ZFR2: variants seen among roughly 807,000 people sequenced by gnomAD.
The protein encoded by ZFR2 is zinc finger RNA binding protein 2.
A neutral mutation model predicts 105.7 loss-of-function variants in ZFR2; 104 were observed. The ratio of observed to expected loss-of-function variants is 0.98; its 90% confidence interval spans 0.84 to 1.16. ZFR2 has a LOEUF of 1.16. Ranked by LOEUF, ZFR2 falls within the 50% of genes most tolerant of loss-of-function variation. The pLI, the probability that ZFR2 is intolerant of heterozygous loss-of-function variation, is 0.00. For synonymous variants in ZFR2, 634 were observed against 597.7 expected (o/e 1.06, Z -0.89); for missense variants, 1,425 against 1,355.5 (o/e 1.05, Z -0.80).
At chr19:3,855,539 G>T in intron 1 of ZFR2, 1 of 995,774 alleles carries the variant, frequency 1.0e-6, no homozygotes, top group African/African-American at 1.7e-5. Context: ...CCAGACCAAA[G>T]TCCCGTCCTC....
At chr19:3,817,934 G>A (rs572133866) in intron 12 of ZFR2, among the ~76,000 whole-genome samples, 50 of 152,290 alleles carry the variant, frequency 3.3e-4, no homozygotes, top group African/African-American at 1.0e-3. Flanking sequence ...CACGGTGTGC[G>A]ACCCCATTTC....
At chr19:3,820,053 G>A (rs2037872015) in intron 11 of ZFR2, 129 bp downstream of exon 11, 3 of 893,538 alleles carry the variant, frequency 3.4e-6, no homozygotes, top group African/African-American at 1.7e-5. Context: ...AGGAGGCCTG[G>A]GCCATGGAGC....
rs757881811 is a variant in ZFR2 at position 3,808,896 on chromosome 19, C to T, written c.2521G>A (p.Val841Met). The T allele has an allele frequency of 6.4e-6, 10 of 1,558,508 alleles. No homozygotes were observed. The highest frequency in any genetic ancestry group is 1.9e-5 in the Admixed American group (1 of 52,708). The change falls in exon 17 of 19, where the codon GTG becomes ATG. Residue 841 changes from valine to methionine, a missense_variant. Physicochemically the swap from Val to Met is conservative, Grantham distance 21. Coordinates refer to ENST00000262961, the MANE Select transcript of ZFR2 (RefSeq NM_015174.2). ...GDAVRRVLEC[V>M]ATGTLLTDGP... ...CCTGTCAGGAGCGTCCCTGTGGCCA[C>T]GCACTCCAGGACTCGCCTGACTGCA...
chr19:3,860,231 G>A lies in ZFR2; in HGVS notation c.53+8734C>T, dbSNP rs181021175. ...TTTTTTTTTTTCAGAGATGGGGGGGGTCTCACTATGTTGCTCAGGCTGGTC... is the reference window on the plus strand; with the variant it reads ...TTTTTTTTTTTCAGAGATGGGGGGGATCTCACTATGTTGCTCAGGCTGGTC... On this transcript the variant is annotated intron_variant, in intron 1 of 18. Transcript: ENST00000262961. Among the ~76,000 whole-genome samples, 390 of 149,638 alleles carry A rather than the reference G, an allele frequency of 2.6e-3. 5 individuals carry two copies. Among genetic ancestry groups the A allele is most frequent in the African/African-American group, 9.2e-3 (371 of 40,468 alleles).
intron 13 of ZFR2, among the ~76,000 whole-genome samples, chr19:3,814,404 C>T (rs1318121217): frequency 1.3e-5 from 2 of 152,180 alleles, no homozygotes; most frequent in African/African-American, 2.4e-5. Flanking sequence ...CAGGACATAG[C>T]TCAAGAGGTC....
chr19:3,840,021 G>C (rs1385410828), intron 1 of ZFR2, among the ~76,000 whole-genome samples: 1 of 152,018 alleles, frequency 6.6e-6, no homozygotes, highest in Non-Finnish European at 1.5e-5. Flanking sequence ...TGTTCTTATT[G>C]TGTATGTCAC....
chr19:3,824,502 T>C (rs2037927992), intron 7 of ZFR2, among the ~76,000 whole-genome samples: 1 of 152,076 alleles, frequency 6.6e-6, no homozygotes, highest in Non-Finnish European at 1.5e-5. Context: ...GGTACCCATA[T>C]AACTCTGATT....
chr19:3,830,844 A>G (rs1456598163), intron 5 of ZFR2, among the ~76,000 whole-genome samples: 1 of 152,182 alleles, frequency 6.6e-6, no homozygotes, highest in Non-Finnish European at 1.5e-5. Context: ...TGTTTGGTAA[A>G]GATTCTTTCA....
At chr19:3,863,631 A>G (rs2038397861) in intron 1 of ZFR2, among the ~76,000 whole-genome samples, 1 of 151,992 alleles carries the variant, frequency 6.6e-6, no homozygotes, top group African/African-American at 2.4e-5. Context: ...GCCCTAAACC[A>G]CTATCTGACC....
Position 3,823,841 on chromosome 19 carries a change from A to G in ZFR2, c.1214-438T>C, listed in dbSNP as rs1313960961. ...AAATCATGTTGCTATTCAAGAATCAACGCTGCTGAGGCTAAAAATAGAATG... is the reference window on the plus strand; with the variant it reads ...AAATCATGTTGCTATTCAAGAATCAGCGCTGCTGAGGCTAAAAATAGAATG... On this transcript the variant is annotated intron_variant, in intron 7 of 18. Transcript: ENST00000262961. This position sits in a 1 kb window ranked among gnomAD's most constrained non-coding sequence, Gnocchi z 5.4. Among the ~76,000 whole-genome samples, 1 of 152,176 alleles carries G rather than the reference A, an allele frequency of 6.6e-6. No homozygotes were observed. The highest frequency in any genetic ancestry group is 6.5e-5 in the Admixed American group (1 of 15,274).
chr19:3,813,700 G>A lies in ZFR2; in HGVS notation c.2242+120C>T, dbSNP rs530474254. The A allele has an allele frequency of 1.6e-4, 222 of 1,379,908 alleles. No homozygotes were observed. Among genetic ancestry groups the A allele is most frequent in the Middle Eastern group, 2.6e-4 (1 of 3,848 alleles). 85.5% of individuals were successfully genotyped at this position (1,379,908 alleles called of 1,614,324 possible). A position where few individuals can be genotyped will look rare whatever the true frequency, so the allele number is the denominator to read the frequency against. On this transcript the variant is annotated intron_variant, in intron 14 of 18. Coordinates refer to ENST00000262961, the MANE Select transcript of ZFR2 (RefSeq NM_015174.2). This position sits in a 1 kb window ranked among gnomAD's most constrained non-coding sequence, Gnocchi z 4.4. ...CTCAGGGGGACAGCAGTGCTGGAGC[G>A]TGGCTGCTGTGGCATTTCCTGCTCA...
At chr19:3,864,061 G>A (rs1315104126) in intron 1 of ZFR2, among the ~76,000 whole-genome samples, 2 of 152,092 alleles carry the variant, frequency 1.3e-5, no homozygotes, top group African/African-American at 4.8e-5. Flanking sequence ...AACTCTCCAG[G>A]GGAAGGAGCT....
intron 1 of ZFR2, among the ~76,000 whole-genome samples, chr19:3,860,480 AT>A (rs769583786): frequency 6.6e-6 from 1 of 152,134 alleles, no homozygotes; most frequent in Non-Finnish European, 1.5e-5. Flanking sequence ...TGGGAATTGG[AT>A]TCCAGAGCCT....
intron 14 of ZFR2, among the ~76,000 whole-genome samples, chr19:3,811,801 C>T (rs2037768041): frequency 6.6e-6 from 1 of 151,916 alleles, no homozygotes; most frequent in East Asian, 2.0e-4. Context: ...CGCTCTGTGG[C>T]CCAGGCTGGA....
intron 1 of ZFR2, among the ~76,000 whole-genome samples, chr19:3,836,311 G>T (rs897823960): frequency 4.6e-5 from 7 of 151,942 alleles, no homozygotes. Context: ...AAGGCCAACC[G>T]TATTTTCTCT....
intron 1 of ZFR2, among the ~76,000 whole-genome samples, chr19:3,836,818 G>A (rs2038079878): frequency 6.6e-6 from 1 of 152,172 alleles, no homozygotes. Flanking sequence ...AATGCCCCTT[G>A]TTCAGCTAAA....
chr19:3,826,179 T>G (rs1050494354), intron 6 of ZFR2, among the ~76,000 whole-genome samples: 5 of 151,908 alleles, frequency 3.3e-5, no homozygotes, highest in African/African-American at 1.2e-4. Context: ...GCTCCTTCCC[T>G]CCTCCATGCC....
At chr19:3,836,795 T>C (rs1175408182) in intron 1 of ZFR2, among the ~76,000 whole-genome samples, 1 of 152,142 alleles carries the variant, frequency 6.6e-6, no homozygotes, top group East Asian at 1.9e-4. Flanking sequence ...CAGACCCAGA[T>C]CTTTCTGACC....
At position 3,831,750 on chromosome 19, in the gene ZFR2, T is replaced by C; in HGVS notation, c.508A>G (p.Thr170Ala). Residue 170 changes from threonine to alanine, a missense_variant, in exon 4 of 19, where the codon ACG becomes GCG. Thr to Ala is a moderately conservative substitution (Grantham distance 58). Transcript: ENST00000262961. ...STLSSGYTYP[T>A]ATGVQPESSA... ...GACTCGGGCTGGACGCCTGTCGCCG[T>C]GGGGTAGGTGTATCCCGAGGACAAG... 4 of 1,608,068 alleles carry C rather than the reference T, an allele frequency of 2.5e-6. No homozygotes were observed. Among genetic ancestry groups the C allele is most frequent in the Non-Finnish European group, 2.5e-6 (3 of 1,177,606 alleles).
Sources: allele counts gnomAD v4.1 joint callset (sites outside exome capture counted in the v4.1 genomes callset), GRCh38; gene constraint gnomAD v4.1.1; non-coding constraint Gnocchi (gnomAD v3.1); transcripts MANE v1.5; gene names NCBI Gene and HGNC (gene_info 2026-07-23, HGNC 2026-07-21).